The following SBF2 variants were observed in gnomAD, a reference collection of about 807,000 sequenced individuals.
SBF2 encodes SET binding factor 2.
A neutral mutation model predicts 225.2 loss-of-function variants in SBF2; 112 were observed. The ratio of observed to expected loss-of-function variants is 0.50; its 90% CI spans 0.43 to 0.58. SBF2 has a LOEUF of 0.58. Ranked by LOEUF, SBF2 falls within the 20% of genes least tolerant of loss-of-function variation. SBF2 has a pLI of 0.00. For missense variants in SBF2, 1,996 were observed against 2,206.2 expected (o/e 0.90, Z 1.91); for synonymous variants, 763 against 773.3 (o/e 0.99, Z 0.22).
intron 16 of SBF2, among the ~76,000 whole-genome samples, chr11:9,935,462 G>A (rs1344950929): frequency 6.6e-6 from 1 of 152,046 alleles, no homozygotes; most frequent in East Asian, 1.9e-4. Flanking sequence ...CTACTTTAAA[G>A]TTCATATGGA....
chr11:10,255,761 T>C (rs542595994), intron 1 of SBF2, among the ~76,000 whole-genome samples: 6 of 152,286 alleles, frequency 3.9e-5, no homozygotes, highest in Non-Finnish European at 2.9e-5. Context: ...CTAATTCAAA[T>C]TATAGAAAGA....
chr11:9,844,143 G>A (rs1020097410), intron 24 of SBF2, among the ~76,000 whole-genome samples: 2 of 152,070 alleles, frequency 1.3e-5, no homozygotes, highest in African/African-American at 2.4e-5. Flanking sequence ...GCTCCTCTCC[G>A]ACCCTATGGT....
chr11:9,959,812 C>T (rs1866442341), intron 16 of SBF2: 3 of 597,116 alleles, frequency 5.0e-6, no homozygotes, highest in Admixed American at 3.7e-5. Context: ...GGGCACTGAG[C>T]AGGCGGGTAG....
chr11:10,077,171 G>A lies in SBF2; in HGVS notation c.142-34190C>T, dbSNP rs371686658. Among the ~76,000 whole-genome samples the A allele has an allele frequency of 3.4e-3, 523 of 152,170 alleles. 4 individuals are homozygous for A. Among genetic ancestry groups the A allele is most frequent in the African/African-American group, 0.012 (494 of 41,528 alleles). On this transcript the variant is annotated intron_variant, in intron 2 of 39. Transcript: ENST00000256190. ...TAAAAGAGGACACAAACAAATGGAA[G>A]AACATTCCATGCTCATGGATAGGAA... is the stretch of plus-strand genomic sequence containing the variant.
At chr11:9,787,099 T>C (rs1852424113) in intron 36 of SBF2, among the ~76,000 whole-genome samples, 1 of 152,192 alleles carries the variant, frequency 6.6e-6, no homozygotes, top group South Asian at 2.1e-4. Flanking sequence ...TTTCACCATG[T>C]TGGCCAGGAT....
At chr11:9,871,741 T>C (rs1858773658) in intron 17 of SBF2, among the ~76,000 whole-genome samples, 1 of 152,048 alleles carries the variant, frequency 6.6e-6, no homozygotes, top group Admixed American at 6.6e-5. Flanking sequence ...ACCGCCTGCC[T>C]CAGCCTCCCA....
At chr11:10,243,691 T>C (rs1471568059) in intron 1 of SBF2, among the ~76,000 whole-genome samples, 2 of 151,874 alleles carry the variant, frequency 1.3e-5, no homozygotes. Flanking sequence ...TGCCAACAAA[T>C]TGGACAACCT....
chr11:10,178,575 C>CA (rs1956576707), intron 2 of SBF2, among the ~76,000 whole-genome samples: 2 of 148,540 alleles, frequency 1.3e-5, no homozygotes, highest in South Asian at 4.3e-4. Flanking sequence ...TTTATGCAGC[C>CA]AAAAAACACA....
In SBF2 at chr11:10,005,110, G is replaced by A. The variant is rs183640525; in HGVS notation, c.620-2421C>T. Among the ~76,000 whole-genome samples, 1,034 of 152,270 alleles carry A rather than the reference G, an allele frequency of 6.8e-3. 9 individuals carry two copies. Among genetic ancestry groups the A allele is most frequent in the African/African-American group, 0.023 (959 of 41,556 alleles). On this transcript the variant is annotated intron_variant, in intron 6 of 39. Transcript: ENST00000256190. ...TTGGTCATAGCTGATGCCACAGAAA[G>A]GCAGTCTTCCAACAGACAGAAACAT...
chr11:10,065,305 A>G (rs1330656325), intron 2 of SBF2, among the ~76,000 whole-genome samples: 5 of 152,146 alleles, frequency 3.3e-5, no homozygotes, highest in African/African-American at 1.2e-4. Context: ...AACACTTAAA[A>G]TGTTATAGAA....
chr11:10,057,736 T>G (rs1002052697), intron 2 of SBF2, among the ~76,000 whole-genome samples: 1 of 152,062 alleles, frequency 6.6e-6, no homozygotes, highest in South Asian at 2.1e-4. Context: ...CAGCCAGTAC[T>G]CAAGTGGGAG....
At chr11:9,940,844 T>C (rs1475304587) in intron 16 of SBF2, among the ~76,000 whole-genome samples, 2 of 151,842 alleles carry the variant, frequency 1.3e-5, no homozygotes, top group African/African-American at 4.8e-5. Context: ...GAAAAGAAAT[T>C]AATTAGACAG....
In SBF2 at chr11:9,991,483, A is replaced by T. The variant is rs530183379; in HGVS notation, c.1296+932T>A. 2.0e-5 allele frequency among the ~76,000 whole-genome samples: 3 copies of T among 152,280 alleles called. No individual in the cohort carries two copies. The South Asian group carries it at 6.2e-4, about 32-fold the overall frequency. ...AAATCACCAGAAGCAAAACATGATC[A>T]CTGCCACGATTCTCCAATATCTTGG... On this transcript the variant is annotated intron_variant, in intron 12 of 39. Coordinates refer to ENST00000256190, the MANE Select transcript of SBF2 (RefSeq NM_030962.4).
At chr11:9,790,076 A>G (rs912190651) in intron 34 of SBF2, among the ~76,000 whole-genome samples, 1 of 152,204 alleles carries the variant, frequency 6.6e-6, no homozygotes, top group Non-Finnish European at 1.5e-5. Flanking sequence ...GTTGCATTCC[A>G]GGGCGTGTGT....
chr11:9,924,363 T>C (rs538779532), intron 16 of SBF2, among the ~76,000 whole-genome samples: 7 of 152,332 alleles, frequency 4.6e-5, no homozygotes, highest in African/African-American at 1.4e-4. Context: ...GTTCTGAGCA[T>C]GTTTAAAGTA....
intron 1 of SBF2, among the ~76,000 whole-genome samples, chr11:10,240,254 A>G (rs1214583614): frequency 1.4e-5 from 2 of 140,686 alleles, no homozygotes; most frequent in South Asian, 4.5e-4. Context: ...ATACAATTAA[A>G]AGAACAAAAA....
chr11:10,174,641 A>T (rs901130874), intron 2 of SBF2, among the ~76,000 whole-genome samples: 11 of 152,236 alleles, frequency 7.2e-5, no homozygotes, highest in Admixed American at 2.0e-4. Flanking sequence ...CCAACATTCA[A>T]ATTCAGGAAA....
chr11:10,063,880 G>GAGAGAA (rs1555007016), intron 2 of SBF2, among the ~76,000 whole-genome samples: 1 of 149,716 alleles, frequency 6.7e-6, no homozygotes, highest in Non-Finnish European at 1.5e-5. Flanking sequence ...GAGAGAGAGA[G>GAGAGAA]AAAACGAAAA....
rs563229895 is a variant in SBF2 at position 10,228,559 on chromosome 11, C to G, written c.56-34572G>C. Among the ~76,000 whole-genome samples, 10 of 152,290 alleles carry G rather than the reference C, an allele frequency of 6.6e-5. No individual in the cohort carries two copies. The South Asian group carries it at 1.5e-3, about 22-fold the overall frequency. On this transcript the variant is annotated intron_variant, in intron 1 of 39. Transcript: ENST00000256190. ...ATTGTTGAATTTTCAAAGGCCTTTT[C>G]TGCATCTATTGAGATAATCATGTGG... is the stretch of plus-strand genomic sequence containing the variant.
Sources: allele counts gnomAD v4.1 joint callset (sites outside exome capture counted in the v4.1 genomes callset), GRCh38; gene constraint gnomAD v4.1.1; transcripts MANE v1.5; gene names NCBI Gene and HGNC (gene_info 2026-07-23, HGNC 2026-07-21).